CEP152: variants seen among roughly 807,000 people sequenced by gnomAD.
CEP152 encodes the protein centrosomal protein of 152 kDa.
CEP152 carries 132 observed loss-of-function variants against 188.9 expected under a neutral mutation model. The observed-to-expected ratio is 0.70, with a 90% CI of 0.61 to 0.81. The LOEUF (loss-of-function observed/expected upper bound fraction) is 0.81. CEP152 is among the 30% of genes least tolerant of loss of function. The pLI is 0.00. For missense variants in CEP152, 1,914 were observed against 1,969.8 expected (o/e 0.97, Z 0.54); for synonymous variants, 649 against 666.6 (o/e 0.97, Z 0.41).
intron 22 of CEP152, among the ~76,000 whole-genome samples, chr15:48,746,660 C>T (rs1292260073): frequency 6.6e-6 from 1 of 152,112 alleles, no homozygotes; most frequent in Non-Finnish European, 1.5e-5. Flanking sequence ...CTTCTTTTAG[C>T]AGTATTTCCC....
intron 8 of CEP152, chr15:48,789,290 C>T (rs939969867): frequency 3.9e-5 from 18 of 458,746 alleles, no homozygotes; most frequent in Non-Finnish European, 6.0e-5. Context: ...GGCTATCAGG[C>T]ACGGAATCTG....
chr15:48,748,547 T>C lies in CEP152; in HGVS notation c.3530A>G (p.Lys1177Arg), dbSNP rs759788211. 1.5e-4 allele frequency: 235 copies of C among 1,533,680 alleles called. No homozygotes were observed. Among genetic ancestry groups the C allele is most frequent in the Admixed American group, 2.6e-4 (13 of 50,808 alleles). ...CAGATCTTGACATTCCTGCTTTGCC[T>C]TTTCAAGTTCTTGGAAGCAGTGTCC... is the stretch of plus-strand genomic sequence containing the variant. ...CCGHCFQELE[K>R]AKQECQDLKG... Residue 1177 changes from lysine (K) to arginine (R), a missense_variant, in exon 22 of 27, where the codon AAG (lysine) becomes AGG (arginine). Transcript: ENST00000380950.
intron 24 of CEP152, among the ~76,000 whole-genome samples, chr15:48,742,702 T>C (rs568583011): frequency 3.1e-4 from 47 of 152,194 alleles, no homozygotes; most frequent in African/African-American, 7.7e-4. Context: ...ATGGGACTTA[T>C]AGTTGGCCTC....
At chr15:48,794,870 C>CT (rs1897196378) in intron 6 of CEP152, among the ~76,000 whole-genome samples, 1 of 152,168 alleles carries the variant, frequency 6.6e-6, no homozygotes, top group Non-Finnish European at 1.5e-5. Context: ...CTGTTGACTC[C>CT]TTCAGGGGAA....
At chr15:48,803,804 GA>G (rs1211688296) in intron 2 of CEP152, among the ~76,000 whole-genome samples, 1 of 152,114 alleles carries the variant, frequency 6.6e-6, no homozygotes, top group African/African-American at 2.4e-5. Context: ...ATTTCTCAAT[GA>G]AAAATCACCT....
At chr15:48,809,723 A>G (rs1265044840) in intron 1 of CEP152, among the ~76,000 whole-genome samples, 1 of 152,238 alleles carries the variant, frequency 6.6e-6, no homozygotes, top group African/African-American at 2.4e-5. Context: ...AAGATACTAC[A>G]TGTAAAGTAA....
Position 48,738,351 on chromosome 15 carries a change from T to C in CEP152, c.5031A>G (p.Thr1677=). 1 of 1,614,184 alleles carries C rather than the reference T, an allele frequency of 6.2e-7. No individual in the cohort carries two copies. Among genetic ancestry groups the C allele is most frequent in the Non-Finnish European group, 8.5e-7 (1 of 1,180,004 alleles). ...GCTGCTGACACACTGAAGATGGTAA[T>C]GTACTGCTCAGTTTTTTGAAATCTG... The part of the protein sequence containing the change: ...LKSDFKKLSS[T]LPSSVCQQPS... The change falls in exon 27 of 27, where the codon ACA becomes ACG. Residue 1677 remains threonine (T), a synonymous_variant. Coordinates refer to ENST00000380950, the MANE Select transcript of CEP152 (RefSeq NM_001194998.2).
At chr15:48,743,761 G>A (rs906501507) in intron 24 of CEP152, among the ~76,000 whole-genome samples, 1 of 152,146 alleles carries the variant, frequency 6.6e-6, no homozygotes, top group Non-Finnish European at 1.5e-5. Flanking sequence ...TACTCAGGAG[G>A]CTGAGGCTGG....
At chr15:48,804,858 A>G (rs1042602648) in intron 2 of CEP152, among the ~76,000 whole-genome samples, 29 of 152,198 alleles carry the variant, frequency 1.9e-4, no homozygotes, top group African/African-American at 6.3e-4. Context: ...TCCACCACCC[A>G]ACACTGGCTC....
chr15:48,758,847 G>A (rs1894469613), intron 19 of CEP152, among the ~76,000 whole-genome samples: 1 of 151,902 alleles, frequency 6.6e-6, no homozygotes, highest in Non-Finnish European at 1.5e-5. Flanking sequence ...GCCTGCTGAA[G>A]TTTGAGAAGC....
rs2140909398 is a variant in CEP152 at position 48,798,063 on chromosome 15, G to A, written c.88-12C>T. On this transcript the variant is annotated splice_polypyrimidine_tract_variant and intron_variant, in intron 2 of 26. Coordinates refer to ENST00000380950, the MANE Select transcript of CEP152 (RefSeq NM_001194998.2). ...AGTAACTGCTGCAACTGAGTCAAAA[G>A]GTCTGCATCAATATCATACCAACTT... is the stretch of plus-strand genomic sequence containing the variant. 1.9e-6 allele frequency: 3 copies of A among 1,607,802 alleles called. No homozygotes were observed. Among genetic ancestry groups the A allele is most frequent in the Middle Eastern group, 1.7e-4 (1 of 6,054 alleles).
chr15:48,769,570 T>C (rs765435327), intron 13 of CEP152, among the ~76,000 whole-genome samples: 20 of 152,240 alleles, frequency 1.3e-4, no homozygotes, highest in Non-Finnish European at 5.9e-5. Flanking sequence ...GATATCACTA[T>C]GTCTCACCAC....
intron 11 of CEP152, 143 bp downstream of exon 11, chr15:48,781,996 G>A (rs532322871): frequency 5.5e-6 from 4 of 722,544 alleles, no homozygotes; most frequent in Admixed American, 4.1e-5. Context: ...CTGTGTGAAG[G>A]AGATGGTGAA....
chr15:48,796,368 T>C (rs1003722782), intron 5 of CEP152, among the ~76,000 whole-genome samples: 30 of 151,928 alleles, frequency 2.0e-4, no homozygotes, highest in African/African-American at 7.3e-4. Flanking sequence ...TATTTAACAC[T>C]ATTAATTGAA....
intron 17 of CEP152, among the ~76,000 whole-genome samples, chr15:48,765,361 AT>A (rs1160648809): frequency 2.6e-5 from 4 of 151,772 alleles, no homozygotes; most frequent in East Asian, 1.9e-4. Flanking sequence ...AACAATTAAA[AT>A]TTTTTTTTAA....
At chr15:48,757,453 T>G (rs371227903) in intron 19 of CEP152, among the ~76,000 whole-genome samples, 1 of 152,378 alleles carries the variant, frequency 6.6e-6, no homozygotes, top group African/African-American at 2.4e-5. Context: ...TTATTACTTT[T>G]GGATGCATGG....
At chr15:48,748,752 A>T in intron 21 of CEP152, 142 bp from the exon 22 acceptor site, 2 of 909,754 alleles carry the variant, frequency 2.2e-6, no homozygotes, top group Non-Finnish European at 3.0e-6. Context: ...GATGCTTAAG[A>T]TAGAGAGACA....
chr15:48,801,751 C>T (rs1001529643), intron 2 of CEP152, among the ~76,000 whole-genome samples: 1 of 152,130 alleles, frequency 6.6e-6, no homozygotes, highest in Non-Finnish European at 1.5e-5. Flanking sequence ...TAAGCTGTGG[C>T]TTTACCAACA....
chr15:48,773,744 G>A (rs1895712161), intron 12 of CEP152, among the ~76,000 whole-genome samples: 1 of 152,198 alleles, frequency 6.6e-6, no homozygotes, highest in Non-Finnish European at 1.5e-5. Context: ...TAAACCTGAT[G>A]TAGTAAAGCC....
Sources: allele counts gnomAD v4.1 joint callset (sites outside exome capture counted in the v4.1 genomes callset), GRCh38; gene constraint gnomAD v4.1.1; transcripts MANE v1.5; gene names NCBI Gene and HGNC (gene_info 2026-07-23, HGNC 2026-07-21).